Variants in FERRY3 observed in about 807,000 individuals in gnomAD.
FERRY3 encodes protein C12orf4.
At chr12:4,522,366 A>T in the FERRY3 span, among the ~76,000 whole-genome samples, 1 of 152,248 alleles carries the variant, frequency 6.6e-6, no homozygotes, top group African/African-American at 2.4e-5. Flanking sequence ...ACTTGTATCC[A>T]GAATATATAA....
chr12:4,525,704 C>A, the FERRY3 span: 1 of 692,200 alleles, frequency 1.4e-6, no homozygotes, highest in South Asian at 2.2e-5. Flanking sequence ...GAAATGTGTC[C>A]AGGAATGAGA....
the FERRY3 span, among the ~76,000 whole-genome samples, chr12:4,527,607 T>A: frequency 6.6e-6 from 1 of 152,050 alleles, no homozygotes; most frequent in Non-Finnish European, 1.5e-5. Flanking sequence ...ATAAATAAAT[T>A]AAGCACCAAA....
chr12:4,500,327 A>G, the FERRY3 span: 1 of 1,613,654 alleles, frequency 6.2e-7, no homozygotes, highest in African/African-American at 1.3e-5. Context: ...AATGCCGTGT[A>G]ATATAAAATT....
the FERRY3 span, among the ~76,000 whole-genome samples, chr12:4,532,169 A>G: frequency 6.8e-6 from 1 of 148,070 alleles, no homozygotes; most frequent in Non-Finnish European, 1.5e-5. Context: ...TTCTTCTTCC[A>G]GTGTGGCCCA....
chr12:4,525,356 G>C, the FERRY3 span: 25 of 1,612,584 alleles, frequency 1.6e-5, no homozygotes, highest in Admixed American at 8.3e-5. Flanking sequence ...TAATTCATTC[G>C]ACCATTTATT....
At chr12:4,505,707 T>C in the FERRY3 span, among the ~76,000 whole-genome samples, 1 of 152,234 alleles carries the variant, frequency 6.6e-6, no homozygotes, top group African/African-American at 2.4e-5. Flanking sequence ...ATAAGTCCTA[T>C]GGTATTACCC....
the FERRY3 span, among the ~76,000 whole-genome samples, chr12:4,490,852 A>C: frequency 6.6e-6 from 1 of 152,196 alleles, no homozygotes; most frequent in Non-Finnish European, 1.5e-5. Flanking sequence ...CCATACAATG[A>C]AGCCAAGATA....
At chr12:4,507,060 G>A in the FERRY3 span, among the ~76,000 whole-genome samples, 6 of 152,274 alleles carry the variant, frequency 3.9e-5, no homozygotes, top group Non-Finnish European at 7.4e-5. Context: ...TGCCTTAGCC[G>A]TATGTGGTTT....
chr12:4,489,717 G>A, the FERRY3 span: 2 of 904,972 alleles, frequency 2.2e-6, no homozygotes, highest in South Asian at 3.4e-5. Context: ...TCTCTTTCTG[G>A]GCATCTTTTG....
chr12:4,500,390 A>T, the FERRY3 span: 1 of 1,504,930 alleles, frequency 6.6e-7, no homozygotes, highest in Non-Finnish European at 9.2e-7. Flanking sequence ...AGTAAGTCAC[A>T]TTCATCAATG....
the FERRY3 span, chr12:4,488,168 T>C: frequency 6.6e-6 from 1 of 152,318 alleles, no homozygotes; most frequent in East Asian, 1.9e-4. The surrounding 1 kb of genome is among the most constrained non-coding windows in gnomAD (Gnocchi z 4.9). Flanking sequence ...TGCCAAATAG[T>C]ACCTTTACAC....
At chr12:4,518,850 G>T in the FERRY3 span, 6 of 1,587,826 alleles carry the variant, frequency 3.8e-6, no homozygotes. Context: ...CAGATTCTCT[G>T]AACTGACTTG....
At chr12:4,529,847 T>C in the FERRY3 span, 2 of 1,556,802 alleles carry the variant, frequency 1.3e-6, no homozygotes, top group Admixed American at 2.1e-5. Context: ...TTAATTCTGA[T>C]AATGCAAGAA....
chr12:4,517,710 CAGAGAGAGAGAG>C, the FERRY3 span, among the ~76,000 whole-genome samples: 8 of 132,302 alleles, frequency 6.0e-5, no homozygotes, highest in South Asian at 4.9e-4. Context: ...TATATATAGA[CAGAGAGAGAGAG>C]AGAGAGAGAG....
At chr12:4,534,105 T>G in the FERRY3 span, 1 of 1,507,374 alleles carries the variant, frequency 6.6e-7, no homozygotes, top group Non-Finnish European at 8.9e-7. Flanking sequence ...TTAAAAATTT[T>G]CACCAAAATC....
chr12:4,525,596 TAAAC>T, the FERRY3 span: 4 of 1,576,732 alleles, frequency 2.5e-6, no homozygotes, highest in Non-Finnish European at 1.7e-6. Flanking sequence ...AAAACACAAA[TAAAC>T]AAATCAGGGA....
At chr12:4,532,472 T>G in the FERRY3 span, among the ~76,000 whole-genome samples, 1 of 152,222 alleles carries the variant, frequency 6.6e-6, no homozygotes, top group African/African-American at 2.4e-5. Flanking sequence ...TACAACTGTC[T>G]TGGTAAATTC....
chr12:4,494,543 A>G, the FERRY3 span, among the ~76,000 whole-genome samples: 88 of 152,364 alleles, frequency 5.8e-4, 1 homozygote, highest in East Asian at 8.9e-3. Context: ...TGTCTTTTCT[A>G]TACGAATACC....
At chr12:4,502,431 T>A in the FERRY3 span, 1 of 453,810 alleles carries the variant, frequency 2.2e-6, no homozygotes, top group Non-Finnish European at 4.4e-6. This position sits in a 1 kb window ranked among gnomAD's most constrained non-coding sequence, Gnocchi z 4.2. Flanking sequence ...CTTTTTTCTG[T>A]GTAGCTCTAC....
Sources: allele counts gnomAD v4.1 joint callset (sites outside exome capture counted in the v4.1 genomes callset), GRCh38; gene constraint gnomAD v4.1.1; non-coding constraint Gnocchi (gnomAD v3.1); transcripts MANE v1.5; gene names NCBI Gene and HGNC (gene_info 2026-07-23, HGNC 2026-07-21).